The following GPC5 variants were observed in gnomAD, a reference collection of about 807,000 sequenced individuals.
The protein encoded by GPC5 is glypican 5.
A neutral mutation model predicts 53.9 loss-of-function variants in GPC5; 47 were observed. The ratio of observed to expected loss-of-function variants is 0.87; its 90% confidence interval spans 0.69 to 1.11. GPC5 has a LOEUF of 1.11. Among genes scored for constraint, GPC5 ranks in the 50% most tolerant of loss-of-function variants. The pLI, the probability that GPC5 is intolerant of heterozygous loss-of-function variation, is 0.00. For synonymous variants in GPC5, 286 were observed against 263.3 expected, an observed-to-expected ratio of 1.09 and a Z score of -0.84; for missense variants, 748 against 713.1, an observed-to-expected ratio of 1.05 and a Z score of -0.56.
In GPC5 at chr13:91,726,675, A is replaced by G. The variant is rs867025430; in HGVS notation, c.1021-1857A>G. 5.9e-5 allele frequency among the ~76,000 whole-genome samples: 9 copies of G among 152,202 alleles called. No individual in the cohort carries two copies. In the South Asian group the frequency reaches 1.5e-3, roughly 25 times the overall value. On this transcript the variant is annotated intron_variant, in intron 3 of 7. Transcript: ENST00000377067. ...GTTCTTTGTTCTGAGAAAACTCTCT[A>G]TCAAATCCATATCCAAGTGCTACTC...
chr13:92,286,026 G>C (rs905299688), intron 7 of GPC5, among the ~76,000 whole-genome samples: 21 of 152,006 alleles, frequency 1.4e-4, no homozygotes, highest in Admixed American at 1.4e-3. Flanking sequence ...AATCTACAAA[G>C]AACTCAAAGA....
At chr13:91,453,532 A>G (rs959480432) in intron 2 of GPC5, among the ~76,000 whole-genome samples, 1 of 152,086 alleles carries the variant, frequency 6.6e-6, no homozygotes, top group African/African-American at 2.4e-5. Flanking sequence ...AATGGACTAT[A>G]TTTAAAATTT....
intron 7 of GPC5, among the ~76,000 whole-genome samples, chr13:92,324,691 A>G (rs900212633): frequency 2.6e-4 from 40 of 151,980 alleles, no homozygotes; most frequent in African/African-American, 9.4e-4. Flanking sequence ...ACTGCATATC[A>G]TTATGTAGTA....
chr13:92,315,924 G>A (rs2043176287), intron 7 of GPC5, among the ~76,000 whole-genome samples: 1 of 152,116 alleles, frequency 6.6e-6, no homozygotes, highest in African/African-American at 2.4e-5. Flanking sequence ...TAAAAGACTT[G>A]TAAATAGGTA....
intron 7 of GPC5, among the ~76,000 whole-genome samples, chr13:92,758,897 AT>A (rs1253245476): frequency 6.9e-6 from 1 of 145,162 alleles, no homozygotes; most frequent in African/African-American, 2.6e-5. Context: ...TTTTGAGTTG[AT>A]TTTTGTGTAT....
chr13:92,029,984 A>G (rs2040828554), intron 6 of GPC5, among the ~76,000 whole-genome samples: 1 of 152,214 alleles, frequency 6.6e-6, no homozygotes, highest in African/African-American at 2.4e-5. Context: ...GTTTGGAATC[A>G]TAAAGATTAT....
chr13:91,439,128 C>A (rs919045773), intron 1 of GPC5, among the ~76,000 whole-genome samples: 4 of 152,178 alleles, frequency 2.6e-5, no homozygotes, highest in African/African-American at 9.7e-5. Flanking sequence ...TTCTCTGTTC[C>A]AATTCATATT....
intron 7 of GPC5, among the ~76,000 whole-genome samples, chr13:92,753,637 G>T (rs1488955039): frequency 6.6e-6 from 1 of 152,114 alleles, no homozygotes. Flanking sequence ...GTGCTTAAAG[G>T]AGCTGATGGA....
In GPC5 at chr13:91,478,881, T is replaced by TA. The variant is rs1555312577; in HGVS notation, c.325+29959_325+29960insA. Among the ~76,000 whole-genome samples, 608 of 67,496 alleles carry TA rather than the reference T, an allele frequency of 9.0e-3. 25 individuals carry two copies. Among genetic ancestry groups the TA allele is most frequent in the South Asian group, 0.012 (16 of 1,366 alleles). 44.3% of individuals were successfully genotyped at this position (67,496 alleles called of 152,430 possible). ...ATATACACACACATATATATACACA[T>TA]TATATATATATATATATATATGCAC... On this transcript the variant is annotated intron_variant, in intron 2 of 7. Coordinates refer to ENST00000377067, the MANE Select transcript of GPC5 (RefSeq NM_004466.6).
intron 7 of GPC5, among the ~76,000 whole-genome samples, chr13:92,444,246 T>C (rs1410395780): frequency 6.6e-6 from 1 of 152,154 alleles, no homozygotes; most frequent in African/African-American, 2.4e-5. Flanking sequence ...GTTCAATAGA[T>C]GTATATGTTT....
intron 5 of GPC5, among the ~76,000 whole-genome samples, chr13:91,808,479 T>C (rs1440966307): frequency 6.6e-6 from 1 of 152,152 alleles, no homozygotes; most frequent in Non-Finnish European, 1.5e-5. Flanking sequence ...TGGAGTATGC[T>C]CTTACCTGTT....
intron 7 of GPC5, among the ~76,000 whole-genome samples, chr13:92,264,699 A>G (rs1244063716): frequency 6.6e-6 from 1 of 151,804 alleles, no homozygotes; most frequent in Non-Finnish European, 1.5e-5. Flanking sequence ...TACAATACTG[A>G]GAAGTATATA....
rs533768530 is a variant in GPC5 at position 92,103,051 on chromosome 13, C to T, written c.1402-41779C>T. On this transcript the variant is annotated intron_variant, in intron 6 of 7. Coordinates refer to ENST00000377067, the MANE Select transcript of GPC5 (RefSeq NM_004466.6). The stretch of plus-strand genomic sequence containing the variant: ...TTTCTTTCTTCAGTTTTTGTAGAGA[C>T]AGGGTGTCCTATGTTGCCCACACTG... Among the ~76,000 whole-genome samples the T allele has an allele frequency of 4.6e-5, 7 of 152,200 alleles. No individual in the cohort carries two copies. The South Asian group carries it at 1.5e-3, about 32-fold the overall frequency.
intron 2 of GPC5, among the ~76,000 whole-genome samples, chr13:91,516,373 G>A (rs1160696655): frequency 1.3e-5 from 2 of 152,100 alleles, no homozygotes; most frequent in Non-Finnish European, 2.9e-5. Flanking sequence ...AGATTACAGG[G>A]CCCATGCAAG....
intron 5 of GPC5, among the ~76,000 whole-genome samples, chr13:91,805,326 C>G (rs1035498160): frequency 1.3e-5 from 2 of 152,112 alleles, no homozygotes; most frequent in African/African-American, 4.8e-5. Flanking sequence ...AGAAGCTTTG[C>G]TGTTTCTTTG....
intron 7 of GPC5, among the ~76,000 whole-genome samples, chr13:92,198,951 C>T (rs2042275685): frequency 6.6e-6 from 1 of 152,144 alleles, no homozygotes; most frequent in Admixed American, 6.5e-5. Context: ...AAGTATTTTT[C>T]ATAAGCAATA....
At chr13:92,442,741 C>G (rs965219143) in intron 7 of GPC5, among the ~76,000 whole-genome samples, 1 of 152,106 alleles carries the variant, frequency 6.6e-6, no homozygotes, top group Non-Finnish European at 1.5e-5. Context: ...CAAAAAAACT[C>G]AAAAGCCCAA....
chr13:91,427,316 T>C (rs1879129463), intron 1 of GPC5, among the ~76,000 whole-genome samples: 1 of 152,162 alleles, frequency 6.6e-6, no homozygotes, highest in African/African-American at 2.4e-5. Context: ...AGGAGGGGTG[T>C]TGCACCCTGT....
chr13:91,642,615 C>T (rs1210603602), intron 2 of GPC5, among the ~76,000 whole-genome samples: 1 of 151,008 alleles, frequency 6.6e-6, no homozygotes, highest in African/African-American at 2.4e-5. Flanking sequence ...ATTGTTGATA[C>T]CAGAAAGAAG....
Sources: allele counts gnomAD v4.1 joint callset (sites outside exome capture counted in the v4.1 genomes callset), GRCh38; gene constraint gnomAD v4.1.1; transcripts MANE v1.5; gene names NCBI Gene and HGNC (gene_info 2026-07-23, HGNC 2026-07-21).